SLC1A5: variants seen among roughly 807,000 people sequenced by gnomAD.
SLC1A5 encodes the protein solute carrier family 1 member 5.
SLC1A5 carries 25 observed loss-of-function variants against 34.9 expected under a neutral mutation model. That is an observed-to-expected ratio of 0.72 (90% CI 0.52 to 1.00). The LOEUF is 1.00. Among genes scored for constraint, SLC1A5 ranks in the 50% least tolerant of loss-of-function variants. The pLI is 0.00. For synonymous variants in SLC1A5, 351 were observed against 341.2 expected (o/e 1.03, Z -0.32); for missense variants, 637 against 740.0 (o/e 0.86, Z 1.61).
Position 46,787,639 on chromosome 19 carries a change from C to G in SLC1A5, c.327G>C (p.Val109=). The G allele has an allele frequency of 6.3e-7, 1 of 1,582,738 alleles. No homozygotes were observed. The highest frequency in any genetic ancestry group is 8.6e-7 in the Non-Finnish European group (1 of 1,167,844). The change falls in exon 1 of 8, where the codon GTG becomes GTC. Residue 109 remains valine (V), a synonymous_variant. Coordinates refer to ENST00000542575, the MANE Select transcript of SLC1A5 (RefSeq NM_005628.3). The surrounding 1 kb of genome is among the most constrained non-coding windows in gnomAD (Gnocchi z 5.2). ...TGGCGGCGCCGCCGATCAAGCTGCACACCACCAGCGGCAAGATGATCATCC... is the reference window on the plus strand; with the variant it reads ...TGGCGGCGCCGCCGATCAAGCTGCAGACCACCAGCGGCAAGATGATCATCC... The part of the protein sequence containing the change: ...LLRMIILPLV[V]CSLIGGAASL...
At chr19:46,779,285 G>A (rs898409666) in intron 4 of SLC1A5, among the ~76,000 whole-genome samples, 2 of 152,024 alleles carry the variant, frequency 1.3e-5, no homozygotes, top group Admixed American at 6.6e-5. Flanking sequence ...TTAACCAGGC[G>A]TGGTGGCGCA....
intron 4 of SLC1A5, among the ~76,000 whole-genome samples, chr19:46,779,419 CATCTCAAAAAAAAAAAAA>C (rs1203407659): frequency 8.6e-6 from 1 of 115,880 alleles, no homozygotes; most frequent in African/African-American, 3.7e-5. Flanking sequence ...AGTGAAACTC[CATCTCAAAAAAAAAAAAA>C]AAAAAAAAGT....
intron 1 of SLC1A5, among the ~76,000 whole-genome samples, chr19:46,785,729 C>G (rs1397830436): frequency 6.6e-6 from 1 of 152,188 alleles, no homozygotes; most frequent in Non-Finnish European, 1.5e-5. Flanking sequence ...TAGTATGGGA[C>G]AGTGTCCATG....
Position 46,778,867 on chromosome 19 carries a change from A to G in SLC1A5, c.866T>C (p.Ile289Thr), listed in dbSNP as rs776048891. The change falls in exon 5 of 8, where the codon ATC becomes ACC. Residue 289 changes from isoleucine to threonine, a missense_variant. Ile to Thr is a moderately conservative substitution (Grantham distance 89). Coordinates refer to ENST00000542575, the MANE Select transcript of SLC1A5 (RefSeq NM_005628.3). ...VGIMFLVAGK[I>T]VEMEDVGLLF... ...TAAACCCACATCCTCCATCTCCACG[A>G]TCTTGCCAGCCACCAGGAACATGAT... is the stretch of plus-strand genomic sequence containing the variant. 3 of 1,591,106 alleles carry G rather than the reference A, an allele frequency of 1.9e-6. No individual in the cohort carries two copies. The highest frequency in any genetic ancestry group is 2.6e-6 in the Non-Finnish European group (3 of 1,168,614).
At chr19:46,780,112 A>T (rs1177588413) in intron 4 of SLC1A5, among the ~76,000 whole-genome samples, 2 of 151,894 alleles carry the variant, frequency 1.3e-5, no homozygotes, top group East Asian at 3.9e-4. Flanking sequence ...TCAGCCTCCC[A>T]AAGTGCTGGG....
rs117772403 is a variant in SLC1A5 at position 46,786,450 on chromosome 19, G to C, written c.566+950C>G. On this transcript the variant is annotated intron_variant, in intron 1 of 7. Transcript: ENST00000542575. ...CAGGCCCAGGCTGGGCCAGGACCCA[G>C]CTAATCTCCCCCAGCCAGAAGGTGC... Among the ~76,000 whole-genome samples the C allele has an allele frequency of 5.7e-4, 87 of 152,318 alleles. No individual in the cohort carries two copies. In the East Asian group the frequency reaches 0.015, roughly 26 times the overall value.
At chr19:46,779,293 G>A (rs997206839) in intron 4 of SLC1A5, among the ~76,000 whole-genome samples, 4 of 151,932 alleles carry the variant, frequency 2.6e-5, no homozygotes, top group East Asian at 1.9e-4. Context: ...GCGTGGTGGC[G>A]CATGCCTGCA....
At chr19:46,782,346 A>AACCCCCCCCCCCCCCACCC in intron 4 of SLC1A5, 37 bp downstream of exon 4, 17 of 567,986 alleles carry the variant, frequency 3.0e-5, no homozygotes, top group South Asian at 1.2e-4. Context: ...CGACCCTCCA[A>AACCCCCCCCCCCCCCACCC]CCCCACCCAC....
Position 46,775,487 on chromosome 19 carries a change from G to A in SLC1A5, c.*23C>T, listed in dbSNP as rs1367372212. 1 of 1,587,362 alleles carries A rather than the reference G, an allele frequency of 6.3e-7. No homozygotes were observed. The highest frequency in any genetic ancestry group is 8.6e-7 in the Non-Finnish European group (1 of 1,166,966). The stretch of plus-strand genomic sequence containing the variant: ...GTGTCCAAAGAGCACCCCCAGCAGG[G>A]CAGGGAAGGTCCCTCCCGGGGTTTA... On this transcript the variant is annotated 3_prime_UTR_variant, in exon 8 of 8. Transcript: ENST00000542575.
At chr19:46,784,032 T>C (rs1039567751) in intron 3 of SLC1A5, 65 bp downstream of exon 3, 12 of 1,360,140 alleles carry the variant, frequency 8.8e-6, no homozygotes, top group Non-Finnish European at 1.3e-5. Context: ...AAGGCAGAAA[T>C]AAAACCAAAA....
Position 46,775,779 on chromosome 19 carries a change from G to A in SLC1A5, c.1389-32C>T, listed in dbSNP as rs140950018. ...GGGTAGAAATGACAGCAAAGTAAGC[G>A]GGAGGGGAGAGGGTGAGAGGGAAGG... is the stretch of plus-strand genomic sequence containing the variant. On this transcript the variant is annotated intron_variant, in intron 7 of 7. Transcript: ENST00000542575. 225 of 1,601,028 alleles carry A rather than the reference G, an allele frequency of 1.4e-4. No individual in the cohort carries two copies. The African/African-American group carries it at 1.7e-3, about 12-fold the overall frequency.
At chr19:46,782,080 G>A (rs927873117) in intron 4 of SLC1A5, among the ~76,000 whole-genome samples, 1 of 152,058 alleles carries the variant, frequency 6.6e-6, no homozygotes, top group Non-Finnish European at 1.5e-5. Flanking sequence ...ATTTTTAGTA[G>A]AGATGGGGTT....
At chr19:46,777,462 C>T (rs2055102141) in intron 5 of SLC1A5, 57 bp from the exon 6 acceptor site, 1 of 1,502,606 alleles carries the variant, frequency 6.7e-7, no homozygotes, top group South Asian at 1.3e-5. Flanking sequence ...CTCCGCCCAC[C>T]CTCCAGGTCC....
At chr19:46,782,346 A>ACCCCCCCCCCCCCCCCCCCCCAAAC in intron 4 of SLC1A5, 37 bp downstream of exon 4, 1 of 567,986 alleles carries the variant, frequency 1.8e-6, no homozygotes, top group Non-Finnish European at 3.2e-6. Flanking sequence ...CGACCCTCCA[A>ACCCCCCCCCCCCCCCCCCCCCAAAC]CCCCACCCAC....
At chr19:46,786,185 A>G (rs190351812) in intron 1 of SLC1A5, among the ~76,000 whole-genome samples, 1 of 152,168 alleles carries the variant, frequency 6.6e-6, no homozygotes, top group Non-Finnish European at 1.5e-5. Flanking sequence ...TGGCTGTGCT[A>G]CAGGGGTCTT....
In SLC1A5 at chr19:46,777,365, TCTC is replaced by T. The variant is rs1311508762; in HGVS notation, c.1096_1098del (p.Glu366del). 2.5e-6 allele frequency: 4 copies of T among 1,613,252 alleles called. No homozygotes were observed. Among genetic ancestry groups the T allele is most frequent in the African/African-American group, 2.7e-5 (2 of 74,886 alleles). On this transcript the variant is annotated inframe_deletion, in exon 6 of 8. Coordinates refer to ENST00000542575, the MANE Select transcript of SLC1A5 (RefSeq NM_005628.3). ...CTGATGTGCTTGGCCACGCCATTAT[TCTC>T]CTCCACGCACTTCATCATCAGCGGC...
chr19:46,776,798 G>A, intron 7 of SLC1A5, 177 bp downstream of exon 7: 2 of 658,306 alleles, frequency 3.0e-6, no homozygotes, highest in East Asian at 2.8e-5. Context: ...ATCCCTCTTA[G>A]AGCCACAAAG....
chr19:46,787,649 G>A lies in SLC1A5; in HGVS notation c.317C>T (p.Pro106Leu), dbSNP rs1379794972. ...LLRLLRMIILPLVVCSLIGGA... is the reference protein window; with the variant it reads ...LLRLLRMIILLLVVCSLIGGA... ...GCCGATCAAGCTGCACACCACCAGC[G>A]GCAAGATGATCATCCGCAGCAGACG... The change falls in exon 1 of 8, where the codon CCG becomes CTG. Residue 106 changes from proline (P) to leucine (L), a missense_variant. Coordinates refer to ENST00000542575, the MANE Select transcript of SLC1A5 (RefSeq NM_005628.3). This position sits in a 1 kb window ranked among gnomAD's most constrained non-coding sequence, Gnocchi z 5.2. The A allele has an allele frequency of 1.3e-6, 2 of 1,587,396 alleles. No individual in the cohort carries two copies. The highest frequency in any genetic ancestry group is 1.8e-5 in the Admixed American group (1 of 56,670).
chr19:46,783,169 G>C lies in SLC1A5; in HGVS notation c.658-620C>G, dbSNP rs954349094. Among the ~76,000 whole-genome samples, 8 of 152,296 alleles carry C rather than the reference G, an allele frequency of 5.3e-5. No homozygotes were observed. The East Asian group carries it at 9.6e-4, about 18-fold the overall frequency. ...AGAGATAGGGTCACATTTGTGTTTT[G>C]AAAAGATCCTCGGGCGGAGCACGGT... On this transcript the variant is annotated intron_variant, in intron 3 of 7. Transcript: ENST00000542575.
Sources: allele counts gnomAD v4.1 joint callset (sites outside exome capture counted in the v4.1 genomes callset), GRCh38; gene constraint gnomAD v4.1.1; non-coding constraint Gnocchi (gnomAD v3.1); transcripts MANE v1.5; gene names NCBI Gene and HGNC (gene_info 2026-07-23, HGNC 2026-07-21).